The following GRB10 variants were observed in gnomAD, a reference collection of about 807,000 sequenced individuals.
GRB10 encodes the protein growth factor receptor-bound protein 10.
In GRB10, 20 loss-of-function variants were observed where a neutral mutation model predicts 80.9. The observed-to-expected ratio is 0.25, with a 90% CI of 0.17 to 0.36. The LOEUF (loss-of-function observed/expected upper bound fraction) is 0.36. Ranked by LOEUF, GRB10 falls within the 10% of genes least tolerant of loss-of-function variation. The pLI is 1.00. For synonymous variants in GRB10, 291 were observed against 291.5 expected, an observed-to-expected ratio of 1.00 and a Z score of 0.02; for missense variants, 548 against 747.7, an observed-to-expected ratio of 0.73 and a Z score of 3.12.
intron 17 of GRB10, among the ~76,000 whole-genome samples, chr7:50,601,916 T>C (rs889735973): frequency 4.6e-5 from 7 of 152,134 alleles, no homozygotes; most frequent in Non-Finnish European, 8.8e-5. Context: ...TCAAATACCA[T>C]TAATGCTAGC....
At chr7:50,609,768 T>C (rs2049179357) in intron 13 of GRB10, among the ~76,000 whole-genome samples, 2 of 152,176 alleles carry the variant, frequency 1.3e-5, no homozygotes, top group Admixed American at 6.5e-5. Flanking sequence ...TTTAATACTA[T>C]TCACACAGCT....
At chr7:50,731,009 C>A (rs1276442039) in intron 4 of GRB10, among the ~76,000 whole-genome samples, 1 of 152,146 alleles carries the variant, frequency 6.6e-6, no homozygotes, top group Non-Finnish European at 1.5e-5. Flanking sequence ...TAACTGGCCA[C>A]ACGAGAACTG....
At chr7:50,792,668 C>T (rs1207667782) in intron 1 of GRB10, 4 of 389,882 alleles carry the variant, frequency 1.0e-5, no homozygotes, top group South Asian at 2.8e-4. Context: ...GTCCTCCGTA[C>T]GAGGCTGGGC....
intron 4 of GRB10, among the ~76,000 whole-genome samples, chr7:50,716,474 A>C (rs1319646100): frequency 6.6e-6 from 1 of 152,178 alleles, no homozygotes; most frequent in Non-Finnish European, 1.5e-5. Flanking sequence ...AGAAAATAAA[A>C]CCCATAACGA....
intron 3 of GRB10, among the ~76,000 whole-genome samples, chr7:50,742,659 C>T (rs1208169771): frequency 6.6e-6 from 1 of 151,294 alleles, no homozygotes; most frequent in African/African-American, 2.4e-5. Flanking sequence ...TATTACATCA[C>T]TAGGGGGAAA....
chr7:50,733,304 G>A (rs913853671), intron 3 of GRB10, among the ~76,000 whole-genome samples: 5 of 152,128 alleles, frequency 3.3e-5, no homozygotes, highest in East Asian at 3.9e-4. Context: ...TCCAGACTGC[G>A]GGAAATGGAT....
intron 2 of GRB10, chr7:50,761,760 G>A (rs564837954): frequency 1.3e-5 from 2 of 152,336 alleles, no homozygotes; most frequent in Admixed American, 1.3e-4. Context: ...TGTTGGAGGT[G>A]GAGCCTGGTG....
chr7:50,627,090 G>A, intron 7 of GRB10, 112 bp from the exon 8 acceptor site: 1 of 1,115,792 alleles, frequency 9.0e-7, no homozygotes, highest in African/African-American at 1.5e-5. Flanking sequence ...CCAACACATG[G>A]GCAACTGTTT....
At position 50,674,487 on chromosome 7, in the gene GRB10, G is replaced by T; in HGVS notation, c.311C>A (p.Ser104Tyr). Reference protein sequence around the residue: ...GPPRSIQPQVSPRQRVQRSQP... With the variant: ...GPPRSIQPQVYPRQRVQRSQP... ...GGAGCGCTGCACCCTCTGCCTCGGGGACACCTGTGGCTGGATGGACCGAGG... is the reference window on the plus strand; with the variant it reads ...GGAGCGCTGCACCCTCTGCCTCGGGTACACCTGTGGCTGGATGGACCGAGG... The change falls in exon 6 of 19, where the codon TCC becomes TAC. Residue 104 changes from serine to tyrosine, a missense_variant. Physicochemically the swap from Ser to Tyr is moderately radical, Grantham distance 144. Transcript: ENST00000401949. 1 of 1,608,692 alleles carries T rather than the reference G, an allele frequency of 6.2e-7. No homozygotes were observed.
intron 2 of GRB10, among the ~76,000 whole-genome samples, chr7:50,773,551 T>G: frequency 6.7e-6 from 1 of 149,622 alleles, no homozygotes; most frequent in Admixed American, 6.6e-5. Context: ...AAATGCCAAG[T>G]GTTGGCAAGA....
intron 4 of GRB10, among the ~76,000 whole-genome samples, chr7:50,716,702 C>T (rs1310172998): frequency 6.6e-6 from 1 of 152,100 alleles, no homozygotes; most frequent in African/African-American, 2.4e-5. Context: ...GCAGGATTAA[C>T]CAGACATTGG....
At chr7:50,745,855 C>T (rs10486759) in intron 3 of GRB10, among the ~76,000 whole-genome samples, 6,450 of 152,256 alleles carry the variant, frequency 0.042, 231 homozygotes, top group East Asian at 0.17. Flanking sequence ...TCTTTCTAAA[C>T]GCTAAAGTAG....
chr7:50,758,802 G>A (rs1276142658), intron 2 of GRB10, among the ~76,000 whole-genome samples: 1 of 152,170 alleles, frequency 6.6e-6, no homozygotes. Flanking sequence ...AAATAGAATG[G>A]AATTAAAAGG....
Position 50,748,186 on chromosome 7 carries a change from T to C in GRB10, c.-47+7701A>G, listed in dbSNP as rs145669959. 2.8e-3 allele frequency among the ~76,000 whole-genome samples: 426 copies of C among 152,190 alleles called. 1 individual carries two copies. The highest frequency in any genetic ancestry group is 4.7e-3 in the Non-Finnish European group (320 of 68,002). On this transcript the variant is annotated intron_variant, in intron 3 of 18. Coordinates refer to ENST00000401949, the MANE Select transcript of GRB10 (RefSeq NM_001350814.2). ...ACCCCCCGCCCCATCTTTAACGGGG[T>C]CCTGTGGTTTCGGATTAATTAAGGA...
At chr7:50,709,451 C>G (rs1210476443) in intron 4 of GRB10, among the ~76,000 whole-genome samples, 2 of 152,176 alleles carry the variant, frequency 1.3e-5, no homozygotes, top group Non-Finnish European at 2.9e-5. Context: ...CCGTAAGCCA[C>G]GTTTTGGGGA....
chr7:50,763,461 G>A (rs1038449428), intron 2 of GRB10, among the ~76,000 whole-genome samples: 8 of 152,200 alleles, frequency 5.3e-5, no homozygotes, highest in African/African-American at 1.9e-4. Flanking sequence ...TGGAGTGGGG[G>A]CAGCAGCTTT....
intron 2 of GRB10, among the ~76,000 whole-genome samples, chr7:50,765,237 G>T (rs1455847785): frequency 6.6e-6 from 1 of 152,178 alleles, no homozygotes; most frequent in Non-Finnish European, 1.5e-5. Flanking sequence ...AATTAGTGCA[G>T]CCCCCATGGA....
At chr7:50,627,669 A>G (rs1238791240) in intron 7 of GRB10, among the ~76,000 whole-genome samples, 3 of 152,264 alleles carry the variant, frequency 2.0e-5, no homozygotes, top group Non-Finnish European at 4.4e-5. Context: ...ATGGAGAAGT[A>G]GAGTCCAGAG....
chr7:50,721,319 G>T (rs114588762), intron 4 of GRB10, among the ~76,000 whole-genome samples: 2,060 of 152,260 alleles, frequency 0.014, 50 homozygotes, highest in African/African-American at 0.047. Context: ...CCCAGGATGC[G>T]ACTCCTCCCT....
Sources: gnomAD v4.1 joint callset for allele counts (sites outside exome capture counted in the v4.1 genomes callset) on GRCh38, gnomAD v4.1.1 for gene constraint, MANE v1.5 for transcripts, NCBI Gene and HGNC (gene_info 2026-07-23, HGNC 2026-07-21) for gene names.